Variants in AMZ1 observed in about 807,000 individuals in gnomAD.
The protein encoded by AMZ1 is archaelysin family metallopeptidase 1.
AMZ1 carries 39 observed loss-of-function variants against 29.9 expected under a neutral mutation model. That is an observed-to-expected ratio of 1.30 (90% CI 1.01 to 1.70). The LOEUF (loss-of-function observed/expected upper bound fraction) is 1.70, where lower values mean the gene tolerates loss of function less well. AMZ1 is among the 40% of genes most tolerant of loss of function. The pLI is 0.00. For missense variants in AMZ1, 1,041 were observed against 680.6 expected, an observed-to-expected ratio of 1.53 and a Z score of -5.89; for synonymous variants, 458 against 304.0, an observed-to-expected ratio of 1.51 and a Z score of -5.27.
upstream of AMZ1, among the ~76,000 whole-genome samples, chr7:2,683,852 G>A (rs1786974800): frequency 6.6e-6 from 1 of 151,770 alleles, no homozygotes; most frequent in African/African-American, 2.4e-5. Flanking sequence ...ACAGGCGTGA[G>A]CCACCTCACC....
chr7:2,764,459 ATT>A (rs1324747781), upstream of AMZ1: 1 of 152,076 alleles, frequency 6.6e-6, no homozygotes, highest in Non-Finnish European at 1.5e-5. Context: ...TATGAAGTCT[ATT>A]TGTTCAATTA....
At chr7:2,689,100 C>G (rs1787227076) in intron 1 of AMZ1, among the ~76,000 whole-genome samples, 1 of 152,240 alleles carries the variant, frequency 6.6e-6, no homozygotes, top group South Asian at 2.1e-4. Flanking sequence ...AGGTGAGAAA[C>G]CCCCAAAACC....
At chr7:2,723,323 C>T (rs1485746088), downstream of AMZ1, among the ~76,000 whole-genome samples, 2 of 152,206 alleles carry the variant, frequency 1.3e-5, no homozygotes, top group East Asian at 1.9e-4. Flanking sequence ...CGGGTGCATC[C>T]AGACAGCCTG....
downstream of AMZ1, among the ~76,000 whole-genome samples, chr7:2,722,883 T>G (rs1384587012): frequency 1.3e-5 from 2 of 152,052 alleles, no homozygotes; most frequent in Non-Finnish European, 2.9e-5. Context: ...AAGGCCAAGG[T>G]GGGAGGACTG....
intron 4 of AMZ1, among the ~76,000 whole-genome samples, chr7:2,755,328 T>C (rs907199388): frequency 6.6e-6 from 1 of 152,244 alleles, no homozygotes; most frequent in African/African-American, 2.4e-5. Context: ...TTGTGTCAAA[T>C]CTGTGTATCA....
At chr7:2,725,345 C>G (rs994947911) in intron 4 of AMZ1, among the ~76,000 whole-genome samples, 6 of 152,242 alleles carry the variant, frequency 3.9e-5, no homozygotes, top group African/African-American at 1.4e-4. Flanking sequence ...ACGGACACAG[C>G]TGCGCGAGGG....
intron 4 of AMZ1, among the ~76,000 whole-genome samples, chr7:2,742,535 T>C (rs537587990): frequency 6.6e-6 from 1 of 152,342 alleles, no homozygotes; most frequent in East Asian, 1.9e-4. Flanking sequence ...TTCCAGGGGC[T>C]GTAATTCATC....
intron 3 of AMZ1, among the ~76,000 whole-genome samples, chr7:2,704,311 T>C (rs1052654597): frequency 6.6e-6 from 1 of 152,196 alleles, no homozygotes; most frequent in African/African-American, 2.4e-5. Context: ...AAGACCAGCC[T>C]GGGCAACTAG....
At chr7:2,760,697 T>A (rs1791512795), upstream of AMZ1, among the ~76,000 whole-genome samples, 1 of 152,180 alleles carries the variant, frequency 6.6e-6, no homozygotes, top group Non-Finnish European at 1.5e-5. Context: ...CCATCTCCAT[T>A]TCCTTCTACA....
downstream of AMZ1, among the ~76,000 whole-genome samples, chr7:2,722,625 T>G (rs1254568172): frequency 1.3e-5 from 2 of 152,218 alleles, no homozygotes; most frequent in Admixed American, 6.5e-5. Context: ...AGGTAATTTT[T>G]TGAGATTCGA....
chr7:2,740,589 A>G lies in AMZ1; in HGVS notation n.551-24123A>G, dbSNP rs533311317. ...GTTATGGCAGCTTGAGCCGACAAAT[A>G]TAATTATGAACTTGTGGATTTTCAT... On this transcript the variant is annotated intron_variant and non_coding_transcript_variant, in intron 4 of 4. Coordinates refer to the AMZ1 transcript ENST00000489665. Among the ~76,000 whole-genome samples the G allele has an allele frequency of 3.9e-5, 6 of 152,328 alleles. No individual in the cohort carries two copies. The East Asian group carries it at 9.6e-4, about 24-fold the overall frequency.
chr7:2,684,044 G>A (rs1185635528), upstream of AMZ1, among the ~76,000 whole-genome samples: 1 of 151,994 alleles, frequency 6.6e-6, no homozygotes, highest in Non-Finnish European at 1.5e-5. Context: ...TGGGCTTGGT[G>A]GCACGCGCCT....
chr7:2,696,309 T>G (rs1283072483), intron 1 of AMZ1, among the ~76,000 whole-genome samples: 2 of 143,202 alleles, frequency 1.4e-5, no homozygotes, highest in Non-Finnish European at 3.0e-5. Flanking sequence ...CAGGCTGGAG[T>G]GCAGTGGTGC....
At chr7:2,721,762 C>A (rs950785297), downstream of AMZ1, among the ~76,000 whole-genome samples, 1 of 150,582 alleles carries the variant, frequency 6.6e-6, no homozygotes, top group Admixed American at 6.6e-5. Context: ...CACTCAGGGG[C>A]CCCCCACTTC....
At chr7:2,732,533 G>A (rs373875142) in intron 4 of AMZ1, among the ~76,000 whole-genome samples, 29 of 152,270 alleles carry the variant, frequency 1.9e-4, no homozygotes, top group African/African-American at 7.0e-4. Context: ...GTGACAGAGT[G>A]AGACCCTGTC....
chr7:2,729,418 C>A (rs1046173466), intron 4 of AMZ1: 2 of 152,420 alleles, frequency 1.3e-5, no homozygotes, highest in African/African-American at 2.4e-5. Context: ...AGAAGCAGTA[C>A]AAAAACAGCG....
rs558774760 is a variant in AMZ1 at position 2,713,865 on chromosome 7, G to A, written c.*987G>A. 8 of 152,264 alleles carry A rather than the reference G, an allele frequency of 5.3e-5. No homozygotes were observed. The highest frequency in any genetic ancestry group is 2.1e-4 in the South Asian group (1 of 4,826). 9.4% of individuals were successfully genotyped at this position (152,264 alleles called of 1,614,324 possible). A position where few individuals can be genotyped will look rare whatever the true frequency, so the allele number is the denominator to read the frequency against. On this transcript the variant is annotated 3_prime_UTR_variant, in exon 7 of 7. Transcript: ENST00000683327. Reference sequence around the variant, plus strand: ...ACAGTTTCTTGGCAAAGGTGGCCGCGCTGTCAGTACCAAGTAGCTGGAGGT... The same window carrying A: ...ACAGTTTCTTGGCAAAGGTGGCCGCACTGTCAGTACCAAGTAGCTGGAGGT...
Position 2,717,597 on chromosome 7 carries a change from T to C in AMZ1, c.*4719T>C, listed in dbSNP as rs1045920239. ...AAAGCAGCAGCAAATTTATGGCTCT[T>C]GGAACACGAGGCTGTCAAAGATAAA... On this transcript the variant is annotated 3_prime_UTR_variant, in exon 7 of 7. Transcript: ENST00000683327. Among the ~76,000 whole-genome samples, 31 of 152,124 alleles carry C rather than the reference T, an allele frequency of 2.0e-4. No individual in the cohort carries two copies. The highest frequency in any genetic ancestry group is 8.8e-5 in the Non-Finnish European group (6 of 67,996).
At position 2,717,771 on chromosome 7, in the gene AMZ1, G is replaced by A. The variant is rs114423206; in HGVS notation, c.*4893G>A. On this transcript the variant is annotated 3_prime_UTR_variant, in exon 7 of 7. Coordinates refer to ENST00000683327, the MANE Select transcript of AMZ1 (RefSeq NM_001384743.1). Reference sequence around the variant, plus strand: ...ATCCTACAGCAGCACCTTGATGAATGAGAACCCGGAAGAATGGAGGTTTAT... The same window carrying A: ...ATCCTACAGCAGCACCTTGATGAATAAGAACCCGGAAGAATGGAGGTTTAT... Among the ~76,000 whole-genome samples the A allele has an allele frequency of 0.012, 1,773 of 152,310 alleles. 45 individuals are homozygous for A. The highest frequency in any genetic ancestry group is 0.041 in the African/African-American group (1,684 of 41,548).
Sources: gnomAD v4.1 joint callset for allele counts (sites outside exome capture counted in the v4.1 genomes callset) on GRCh38, gnomAD v4.1.1 for gene constraint, MANE v1.5 for transcripts, NCBI Gene and HGNC (gene_info 2026-07-23, HGNC 2026-07-21) for gene names.